Variants in RNF214 observed in about 807,000 individuals in gnomAD.
RNF214 encodes the protein ring finger protein 214.
RNF214 carries 25 observed loss-of-function variants against 75.9 expected under a neutral mutation model. That is an observed-to-expected ratio of 0.33 (90% CI 0.24 to 0.46). The LOEUF (loss-of-function observed/expected upper bound fraction) is 0.46. Ranked by LOEUF, RNF214 falls within the 20% of genes least tolerant of loss-of-function variation. The probability of loss-of-function intolerance (pLI) is 1.00; values close to 1 mark genes in which losing one functional copy is unlikely to be tolerated. For missense variants in RNF214, 725 were observed against 857.5 expected, an observed-to-expected ratio of 0.85 and a Z score of 1.93; for synonymous variants, 314 against 308.8, an observed-to-expected ratio of 1.02 and a Z score of -0.18.
chr11:117,281,819 T>A (rs1252538622), intron 10 of RNF214, 75 bp from the exon 11 acceptor site: 2 of 1,554,364 alleles, frequency 1.3e-6, no homozygotes, highest in African/African-American at 2.7e-5. Flanking sequence ...GAGTTGTTCA[T>A]TGATGTCTTC....
At chr11:117,262,778 G>T (rs377491045) in intron 6 of RNF214, among the ~76,000 whole-genome samples, 10 of 151,490 alleles carry the variant, frequency 6.6e-5, no homozygotes, top group African/African-American at 2.2e-4. Context: ...AGGCCAGAGG[G>T]ATGTTAAAAT....
At chr11:117,244,151 TTTGTA>T (rs1205343950) in intron 4 of RNF214, among the ~76,000 whole-genome samples, 1 of 151,980 alleles carries the variant, frequency 6.6e-6, no homozygotes, top group Non-Finnish European at 1.5e-5. Flanking sequence ...CCAGCTAATT[TTTGTA>T]TTTTTTTAGA....
In RNF214 at chr11:117,283,225, C is replaced by A; in HGVS notation, c.2046+15C>A. 2.0e-6 allele frequency: 3 copies of A among 1,532,122 alleles called. No individual in the cohort carries two copies. The highest frequency in any genetic ancestry group is 1.8e-6 in the Non-Finnish European group (2 of 1,112,802). The allele number at this position is 1,532,122 out of a possible 1,614,324, so 94.9% of individuals were successfully genotyped here. ...TGCACAAGGAGGTAGGTGTTACAGA[C>A]CTTCCTCATTTTCTACACTTTTTCT... is the stretch of plus-strand genomic sequence containing the variant. On this transcript the variant is annotated intron_variant, in intron 14 of 14. Coordinates refer to ENST00000300650, the MANE Select transcript of RNF214 (RefSeq NM_207343.4).
chr11:117,252,457 T>C (rs528508), intron 6 of RNF214, among the ~76,000 whole-genome samples: 64,244 of 152,066 alleles, frequency 0.42, 14,096 homozygotes, highest in East Asian at 0.65. Flanking sequence ...ATCTGTCTTA[T>C]ACGTTTTAAC....
chr11:117,246,653 C>A, intron 5 of RNF214, 156 bp from the exon 6 acceptor site: 1 of 296,776 alleles, frequency 3.4e-6, no homozygotes, highest in Non-Finnish European at 5.0e-6. Context: ...TGAATACTGG[C>A]TTTTGGAGCT....
At chr11:117,254,629 CTT>C (rs1161323482) in intron 6 of RNF214, among the ~76,000 whole-genome samples, 1 of 144,790 alleles carries the variant, frequency 6.9e-6, no homozygotes. Context: ...CGTTCTTCTT[CTT>C]TTTTTTTTTT....
At position 117,282,095 on chromosome 11, in the gene RNF214, G is replaced by A; in HGVS notation, c.1537G>A (p.Gly513Ser). 6.2e-6 allele frequency: 10 copies of A among 1,614,080 alleles called. No individual in the cohort carries two copies. Among genetic ancestry groups the A allele is most frequent in the Non-Finnish European group, 8.5e-6 (10 of 1,180,014 alleles). Residue 513 changes from glycine (G) to serine (S), a missense_variant, in exon 11 of 15, where the codon GGC (glycine) becomes AGC (serine). Around this residue, in one of 2 missense-constraint regions of RNF214, gnomAD observed 363 missense variants for 513.0 expected, o/e 0.71. Transcript: ENST00000300650. ...TGGCTCCCATGGCAGAAATAGCCCT[G>A]GCTTGGGTTCCCTTGTCAGCCCCCA... Reference protein sequence around the residue: ...LPGSHGRNSPGLGSLVSPHGP... With the variant: ...LPGSHGRNSPSLGSLVSPHGP...
At chr11:117,282,295 A>G (rs751344141) in intron 11 of RNF214, 25 bp downstream of exon 11, 4 of 1,579,636 alleles carry the variant, frequency 2.5e-6, no homozygotes, top group Admixed American at 1.8e-5. Flanking sequence ...GGACTGATTC[A>G]GATGTCTCTA....
At chr11:117,272,369 A>G (rs2033929688) in intron 6 of RNF214, among the ~76,000 whole-genome samples, 1 of 152,164 alleles carries the variant, frequency 6.6e-6, no homozygotes, top group South Asian at 2.1e-4. Context: ...TCTTACTCAT[A>G]AGTGGGAGTT....
chr11:117,256,128 C>T (rs1385704985), intron 6 of RNF214, among the ~76,000 whole-genome samples: 2 of 152,146 alleles, frequency 1.3e-5, no homozygotes, highest in Non-Finnish European at 2.9e-5. Context: ...GACACTCTCC[C>T]TCCCTCCCCT....
intron 10 of RNF214, 60 bp from the exon 11 acceptor site, chr11:117,281,834 G>T: frequency 6.3e-7 from 1 of 1,578,846 alleles, no homozygotes; most frequent in South Asian, 1.2e-5. Flanking sequence ...GTCTTCTCCA[G>T]TTTCCTAAAC....
chr11:117,265,761 TATACAAAAAC>T (rs1444436869), intron 6 of RNF214, among the ~76,000 whole-genome samples: 4 of 152,204 alleles, frequency 2.6e-5, no homozygotes, highest in African/African-American at 9.6e-5. Flanking sequence ...ATATAATTTG[TATACAAAAAC>T]ATACTTATTT....
chr11:117,237,418 G>A (rs990955342), intron 2 of RNF214, among the ~76,000 whole-genome samples: 4 of 152,154 alleles, frequency 2.6e-5, no homozygotes, highest in African/African-American at 9.7e-5. Context: ...GAACTAGTAC[G>A]ACTGAGGAAA....
intron 6 of RNF214, among the ~76,000 whole-genome samples, chr11:117,259,838 T>C (rs2033614885): frequency 1.3e-5 from 2 of 152,170 alleles, no homozygotes; most frequent in African/African-American, 4.8e-5. Flanking sequence ...TTGTCAGATA[T>C]ATGTTATGTA....
rs1211053451 is a variant in RNF214, at chr11:117,282,292, T to C, written c.1712+22T>C. The C allele has an allele frequency of 1.5e-5, 24 of 1,579,614 alleles. No homozygotes were observed. The East Asian group carries it at 3.8e-4, about 25-fold the overall frequency. Reference sequence around the variant, plus strand: ...ATAAGTAAGTACCTTCAAGGACTGATTCAGATGTCTCTATCAGAGAAATGC... The same window carrying C: ...ATAAGTAAGTACCTTCAAGGACTGACTCAGATGTCTCTATCAGAGAAATGC... On this transcript the variant is annotated intron_variant, in intron 11 of 14. Coordinates refer to ENST00000300650, the MANE Select transcript of RNF214 (RefSeq NM_207343.4).
chr11:117,245,595 G>GC lies in RNF214; in HGVS notation c.819+1016dup, dbSNP rs1291527099. The stretch of plus-strand genomic sequence containing the variant: ...CTGACCTCATGATCCACCTGCCTCG[G>GC]CCCCCCAAAGTGCTGGGATTACAGG... On this transcript the variant is annotated intron_variant, in intron 5 of 14. Transcript: ENST00000300650. 7.2e-5 allele frequency among the ~76,000 whole-genome samples: 11 copies of GC among 151,934 alleles called. No homozygotes were observed. In the South Asian group the frequency reaches 1.7e-3, roughly 23 times the overall value.
rs560864282 is a variant in RNF214, at chr11:117,271,375, C to T, written c.960-8533C>T. On this transcript the variant is annotated intron_variant, in intron 6 of 14. Transcript: ENST00000300650. ...CAATGCCAGCTCTGTTTGCATTTGCCGTCCCTGTGCTGCAGACTGGAAACT... is the reference window on the plus strand; with the variant it reads ...CAATGCCAGCTCTGTTTGCATTTGCTGTCCCTGTGCTGCAGACTGGAAACT... Among the ~76,000 whole-genome samples, 15 of 152,312 alleles carry T rather than the reference C, an allele frequency of 9.8e-5. No homozygotes were observed. The South Asian group carries it at 2.5e-3, about 25-fold the overall frequency.
intron 5 of RNF214, among the ~76,000 whole-genome samples, chr11:117,245,109 A>G (rs1297796649): frequency 6.6e-6 from 1 of 150,874 alleles, no homozygotes; most frequent in African/African-American, 2.4e-5. Flanking sequence ...AGTTGGGTCC[A>G]GGAGTTCGAA....
At chr11:117,236,573 TC>T (rs2032918234) in intron 2 of RNF214, among the ~76,000 whole-genome samples, 1 of 152,148 alleles carries the variant, frequency 6.6e-6, no homozygotes, top group Non-Finnish European at 1.5e-5. Flanking sequence ...CACCTGGCCG[TC>T]CCTCAACTCT....
Sources: allele counts gnomAD v4.1 joint callset (sites outside exome capture counted in the v4.1 genomes callset), GRCh38; gene constraint gnomAD v4.1.1; regional missense constraint gnomAD v4.1.1; transcripts MANE v1.5; gene names NCBI Gene and HGNC (gene_info 2026-07-23, HGNC 2026-07-21).